The following NRG1 variants were observed in gnomAD, a reference collection of about 807,000 sequenced individuals.
The protein encoded by NRG1 is neuregulin 1.
Under a neutral mutation model 63.8 loss-of-function variants are expected in NRG1, and 18 were observed. The observed-to-expected ratio is 0.28, with a 90% CI of 0.19 to 0.42. The LOEUF (loss-of-function observed/expected upper bound fraction) is 0.42. NRG1 is among the 10% of genes least tolerant of loss of function. The probability of loss-of-function intolerance (pLI) is 1.00; values close to 1 mark genes in which losing one functional copy is unlikely to be tolerated. For missense variants in NRG1, 762 were observed against 814.7 expected (o/e 0.94, Z 0.79); for synonymous variants, 302 against 301.3 (o/e 1.00, Z -0.02).
intron 1 of NRG1, among the ~76,000 whole-genome samples, chr8:32,302,430 TACGTGTAGGAA>T (rs1272615783): frequency 6.6e-6 from 1 of 152,236 alleles, no homozygotes; most frequent in African/African-American, 2.4e-5. Context: ...TGTGTAAACT[TACGTGTAGGAA>T]ACAGGTTAAG....
At chr8:32,537,499 T>G (rs1832128889) in intron 1 of NRG1, among the ~76,000 whole-genome samples, 1 of 152,228 alleles carries the variant, frequency 6.6e-6, no homozygotes, top group Non-Finnish European at 1.5e-5. Flanking sequence ...AATTACTGAA[T>G]AGTAAAATTT....
chr8:32,392,966 T>A (rs116440902), intron 1 of NRG1, among the ~76,000 whole-genome samples: 1,668 of 152,244 alleles, frequency 0.011, 34 homozygotes, highest in African/African-American at 0.038. Flanking sequence ...CTAGCAGGGC[T>A]GTCCCACTGT....
intron 5 of NRG1, among the ~76,000 whole-genome samples, chr8:32,653,271 G>T (rs1210778345): frequency 6.6e-6 from 1 of 151,918 alleles, no homozygotes; most frequent in Non-Finnish European, 1.5e-5. Context: ...ATGTTCTAGT[G>T]GATTTTAAGA....
chr8:31,713,194 G>A (rs1210356734), intron 1 of NRG1, among the ~76,000 whole-genome samples: 1 of 137,520 alleles, frequency 7.3e-6, no homozygotes, highest in Admixed American at 8.5e-5. Flanking sequence ...TCCACTCACT[G>A]CAGGCTCCAC....
At chr8:32,487,852 A>G (rs1826092743) in intron 1 of NRG1, among the ~76,000 whole-genome samples, 1 of 152,168 alleles carries the variant, frequency 6.6e-6, no homozygotes, top group African/African-American at 2.4e-5. Context: ...CAGAACTAAG[A>G]ATGCTCAGCA....
chr8:32,709,456 A>G (rs1817266225), intron 5 of NRG1, among the ~76,000 whole-genome samples: 1 of 151,820 alleles, frequency 6.6e-6, no homozygotes, highest in Non-Finnish European at 1.5e-5. Flanking sequence ...GCCTCACTCC[A>G]TTGCCCCAGC....
At chr8:31,902,340 C>A (rs1277460289) in intron 1 of NRG1, among the ~76,000 whole-genome samples, 1 of 152,072 alleles carries the variant, frequency 6.6e-6, no homozygotes, top group Non-Finnish European at 1.5e-5. Flanking sequence ...ATGAACAGAT[C>A]CTGGGATAAG....
chr8:31,775,237 A>G (rs1374162203), intron 1 of NRG1, among the ~76,000 whole-genome samples: 2 of 152,242 alleles, frequency 1.3e-5, no homozygotes, highest in South Asian at 2.1e-4. Context: ...AGTGTGGCAT[A>G]TATACCACAG....
At chr8:31,896,628 C>T (rs575033925) in intron 1 of NRG1, among the ~76,000 whole-genome samples, 5 of 152,200 alleles carry the variant, frequency 3.3e-5, no homozygotes, top group African/African-American at 4.8e-5. Context: ...CGCCCACTTC[C>T]AGGTTTCTGA....
intron 1 of NRG1, among the ~76,000 whole-genome samples, chr8:31,719,765 C>G (rs965005314): frequency 6.6e-6 from 1 of 151,948 alleles, no homozygotes; most frequent in African/African-American, 2.4e-5. Context: ...TGACATGTGT[C>G]AAGATAAGAA....
At chr8:32,579,863 G>C (rs1290671995) in intron 1 of NRG1, among the ~76,000 whole-genome samples, 1 of 152,070 alleles carries the variant, frequency 6.6e-6, no homozygotes, top group Non-Finnish European at 1.5e-5. Flanking sequence ...GTGTTGGCAG[G>C]GCTGCAGGAG....
At chr8:32,157,380 G>T (rs1372236122) in intron 1 of NRG1, among the ~76,000 whole-genome samples, 1 of 110,844 alleles carries the variant, frequency 9.0e-6, no homozygotes, top group Admixed American at 9.1e-5. Flanking sequence ...AAAAAAAAAA[G>T]GCCGGGCATG....
intron 1 of NRG1, among the ~76,000 whole-genome samples, chr8:32,355,628 C>T (rs1336212071): frequency 6.6e-6 from 1 of 151,226 alleles, no homozygotes; most frequent in Non-Finnish European, 1.5e-5. Context: ...ACCCATCCCC[C>T]CTCAAATAAA....
rs1842001289 is a variant in NRG1 at position 32,186,628 on chromosome 8, G to T, written c.38-409200G>T. On this transcript the variant is annotated intron_variant, in intron 1 of 10. Coordinates refer to the NRG1 transcript ENST00000519301. ...TGCAGATTCTCACCACACAAAGTGGGGTCCGTCCTGGAAGCTTGTAAGAAA... is the reference window on the plus strand; with the variant it reads ...TGCAGATTCTCACCACACAAAGTGGTGTCCGTCCTGGAAGCTTGTAAGAAA... 2.0e-5 allele frequency among the ~76,000 whole-genome samples: 3 copies of T among 152,230 alleles called. No individual in the cohort carries two copies. In the South Asian group the frequency reaches 6.2e-4, roughly 32 times the overall value.
At chr8:32,457,133 A>T (rs1283473853) in intron 1 of NRG1, among the ~76,000 whole-genome samples, 4 of 152,148 alleles carry the variant, frequency 2.6e-5, no homozygotes, top group East Asian at 1.9e-4. Context: ...CTTTCTCAAA[A>T]AAATAAATAA....
intron 1 of NRG1, among the ~76,000 whole-genome samples, chr8:31,946,781 T>G (rs1802613642): frequency 6.6e-6 from 1 of 152,314 alleles, no homozygotes; most frequent in Non-Finnish European, 1.5e-5. Flanking sequence ...CTAGGCCAGA[T>G]ATCTTTGTGT....
chr8:31,759,855 C>G (rs1253131297), intron 1 of NRG1, among the ~76,000 whole-genome samples: 1 of 152,050 alleles, frequency 6.6e-6, no homozygotes, highest in Non-Finnish European at 1.5e-5. Context: ...TTATCTCTCT[C>G]AATTTATTTA....
chr8:32,761,514 A>G (rs1564133014), intron 11 of NRG1, among the ~76,000 whole-genome samples: 2 of 152,276 alleles, frequency 1.3e-5, no homozygotes, highest in South Asian at 4.1e-4. Context: ...TGTGGAATTT[A>G]TGAAATCAGA....
chr8:31,954,259 T>G (rs1293709928), intron 1 of NRG1, among the ~76,000 whole-genome samples: 1 of 152,102 alleles, frequency 6.6e-6, no homozygotes, highest in Non-Finnish European at 1.5e-5. Context: ...GTGAAGACAC[T>G]GAAATAACTT....
Sources: allele counts gnomAD v4.1 joint callset (sites outside exome capture counted in the v4.1 genomes callset), GRCh38; gene constraint gnomAD v4.1.1; transcripts MANE v1.5; gene names NCBI Gene and HGNC (gene_info 2026-07-23, HGNC 2026-07-21).